ZMIZ1: variants seen among roughly 807,000 people sequenced by gnomAD.
ZMIZ1 encodes zinc finger MIZ-type containing 1, also known as zinc finger MIZ domain-containing protein 1.
Under a neutral mutation model 113.9 loss-of-function variants are expected in ZMIZ1, and 17 were observed. The ratio of observed to expected loss-of-function variants is 0.15; its 90% CI spans 0.10 to 0.22. The LOEUF is 0.22. ZMIZ1 is among the 10% of genes least tolerant of loss of function. The pLI is 1.00. For missense variants in ZMIZ1, 1,059 were observed against 1,477.8 expected (o/e 0.72, Z 4.65); for synonymous variants, 607 against 603.1 (o/e 1.01, Z -0.09).
At chr10:79,193,927 A>T (rs1158587446) in intron 4 of ZMIZ1, among the ~76,000 whole-genome samples, 1 of 152,220 alleles carries the variant, frequency 6.6e-6, no homozygotes, top group Non-Finnish European at 1.5e-5. Context: ...TGATGCTGAC[A>T]TGTGCAGGTT....
At chr10:79,209,155 G>C (rs1848446688) in intron 6 of ZMIZ1, among the ~76,000 whole-genome samples, 1 of 143,836 alleles carries the variant, frequency 7.0e-6, no homozygotes, top group Admixed American at 6.7e-5. Context: ...GCAGCAGAGG[G>C]GCAGGAGTGC....
chr10:79,292,380 T>TCCAGCTGG, intron 11 of ZMIZ1, 24 bp downstream of exon 11: 1 of 1,590,180 alleles, frequency 6.3e-7, no homozygotes, highest in East Asian at 2.3e-5. Flanking sequence ...CTAATCCTGG[T>TCCAGCTGG]CCAGCCTTGC....
intron 2 of ZMIZ1, among the ~76,000 whole-genome samples, chr10:79,133,722 T>C (rs1274003224): frequency 6.6e-6 from 1 of 152,192 alleles, no homozygotes; most frequent in East Asian, 1.9e-4. Flanking sequence ...CCCAGGGCCT[T>C]GCCTCTGCAG....
At chr10:79,140,173 A>C (rs886367205) in intron 3 of ZMIZ1, among the ~76,000 whole-genome samples, 1 of 152,218 alleles carries the variant, frequency 6.6e-6, no homozygotes, top group African/African-American at 2.4e-5. Context: ...TACGAGGTCC[A>C]CAGTGCCATG....
intron 7 of ZMIZ1, among the ~76,000 whole-genome samples, chr10:79,241,707 G>T (rs1849839218): frequency 6.6e-6 from 1 of 152,176 alleles, no homozygotes; most frequent in Non-Finnish European, 1.5e-5. Flanking sequence ...AACGATTTAT[G>T]TCAAACAAGG....
chr10:79,133,674 C>G lies in ZMIZ1; in HGVS notation c.-226-6008C>G, dbSNP rs564532750. 6.6e-5 allele frequency among the ~76,000 whole-genome samples: 10 copies of G among 152,324 alleles called. No homozygotes were observed. The East Asian group carries it at 1.9e-3, about 29-fold the overall frequency. On this transcript the variant is annotated intron_variant, in intron 2 of 24. Transcript: ENST00000334512. ...TCATAGCTCAACACTAAGCACCCCC[C>G]TCCCCCTTATTCCTTGGGCACTGAA...
At chr10:79,183,386 A>G (rs1439061664) in intron 4 of ZMIZ1, among the ~76,000 whole-genome samples, 3 of 151,450 alleles carry the variant, frequency 2.0e-5, no homozygotes, top group Non-Finnish European at 4.4e-5. Flanking sequence ...ACACACACGC[A>G]CACACCCATG....
At chr10:79,182,627 A>G (rs1847168664) in intron 4 of ZMIZ1, among the ~76,000 whole-genome samples, 1 of 152,206 alleles carries the variant, frequency 6.6e-6, no homozygotes, top group Non-Finnish European at 1.5e-5. Flanking sequence ...AAGCGTATGT[A>G]TGCCAGGGAC....
chr10:79,311,928 C>T (rs970828429), intron 24 of ZMIZ1, among the ~76,000 whole-genome samples: 2 of 152,208 alleles, frequency 1.3e-5, no homozygotes, highest in Admixed American at 1.3e-4. Context: ...TCTTCACCCC[C>T]AGCCCTGCTC....
chr10:79,105,588 A>T (rs1843526396), intron 1 of ZMIZ1, among the ~76,000 whole-genome samples: 1 of 152,208 alleles, frequency 6.6e-6, no homozygotes, highest in Non-Finnish European at 1.5e-5. Context: ...GCTGCCAGTG[A>T]CTGGATACTT....
intron 7 of ZMIZ1, among the ~76,000 whole-genome samples, chr10:79,254,977 C>T (rs934078708): frequency 6.6e-6 from 1 of 152,246 alleles, no homozygotes; most frequent in African/African-American, 2.4e-5. Context: ...CCCACGACAG[C>T]TGGTGCCTAC....
At chr10:79,250,141 C>T (rs752061126) in intron 7 of ZMIZ1, among the ~76,000 whole-genome samples, 4 of 152,232 alleles carry the variant, frequency 2.6e-5, no homozygotes, top group African/African-American at 4.8e-5. Context: ...CCCCTCGCAG[C>T]ATGGGCTTAG....
intron 3 of ZMIZ1, among the ~76,000 whole-genome samples, chr10:79,146,204 G>A (rs1446018294): frequency 6.6e-6 from 1 of 152,112 alleles, no homozygotes; most frequent in Non-Finnish European, 1.5e-5. Flanking sequence ...TCCTCCCCTA[G>A]AGCAGGGTCT....
At chr10:79,228,972 G>A (rs1849294166) in intron 7 of ZMIZ1, among the ~76,000 whole-genome samples, 1 of 152,216 alleles carries the variant, frequency 6.6e-6, no homozygotes, top group South Asian at 2.1e-4. Flanking sequence ...GGCTCTGCAT[G>A]TAATAGTTCT....
chr10:79,122,637 A>G (rs1844348374), intron 2 of ZMIZ1, among the ~76,000 whole-genome samples: 1 of 152,122 alleles, frequency 6.6e-6, no homozygotes, highest in Non-Finnish European at 1.5e-5. Flanking sequence ...CAGTAGCTGC[A>G]ATGACCTCTT....
At chr10:79,119,573 G>A (rs996497477) in intron 2 of ZMIZ1, among the ~76,000 whole-genome samples, 13 of 152,288 alleles carry the variant, frequency 8.5e-5, no homozygotes, top group Admixed American at 5.9e-4. Context: ...GCTCCAGTGC[G>A]CCAGCCACTG....
At chr10:79,090,807 G>T (rs1465080029) in intron 1 of ZMIZ1, among the ~76,000 whole-genome samples, 4 of 152,234 alleles carry the variant, frequency 2.6e-5, no homozygotes, top group African/African-American at 9.6e-5. Flanking sequence ...AGAAGCCAGG[G>T]ATGTATGTGC....
At chr10:79,093,900 C>T (rs1000665106) in intron 1 of ZMIZ1, among the ~76,000 whole-genome samples, 4 of 152,040 alleles carry the variant, frequency 2.6e-5, no homozygotes, top group African/African-American at 9.7e-5. Context: ...TAAAAGAGCC[C>T]GTTTGGGATG....
At chr10:79,153,143 C>T (rs767472482) in intron 3 of ZMIZ1, among the ~76,000 whole-genome samples, 1 of 152,230 alleles carries the variant, frequency 6.6e-6, no homozygotes, top group Non-Finnish European at 1.5e-5. Context: ...CCCTGACAGC[C>T]TCAGCTGGGA....
Sources: gnomAD v4.1 joint callset for allele counts (sites outside exome capture counted in the v4.1 genomes callset) on GRCh38, gnomAD v4.1.1 for gene constraint, MANE v1.5 for transcripts, NCBI Gene and HGNC (gene_info 2026-07-23, HGNC 2026-07-21) for gene names.